The following BTBD16 variants were observed in gnomAD, a reference collection of about 807,000 sequenced individuals.
BTBD16 encodes the protein BTB domain containing 16, also known as BTB/POZ domain-containing protein 16.
A neutral mutation model predicts 67.4 loss-of-function variants in BTBD16; 66 were observed. The ratio of observed to expected loss-of-function variants is 0.98; its 90% CI spans 0.80 to 1.20. The LOEUF (loss-of-function observed/expected upper bound fraction) is 1.20, where lower values mean the gene tolerates loss of function less well. Ranked by LOEUF, BTBD16 falls within the 50% of genes most tolerant of loss-of-function variation. The pLI is 0.00. For missense variants in BTBD16, 634 were observed against 616.0 expected (o/e 1.03, Z -0.31); for synonymous variants, 242 against 236.4 (o/e 1.02, Z -0.22).
chr10:122,318,239 A>G (rs1424952699), intron 10 of BTBD16, among the ~76,000 whole-genome samples: 1 of 152,138 alleles, frequency 6.6e-6, no homozygotes, highest in Non-Finnish European at 1.5e-5. Flanking sequence ...TAAATCATGG[A>G]GTCTGTACTC....
rs2096385244 is a variant in BTBD16 at position 122,297,370 on chromosome 10, A to AT, written c.591-397dup. Reference sequence around the variant, plus strand: ...TGATTCCATTTGTGCACAGAGAGGAATGGGACTTGAGGCCCCTCTGGTGGC... The same window carrying AT: ...TGATTCCATTTGTGCACAGAGAGGAATTGGGACTTGAGGCCCCTCTGGTGGC... On this transcript the variant is annotated intron_variant, in intron 7 of 15. Coordinates refer to ENST00000260723, the MANE Select transcript of BTBD16 (RefSeq NM_144587.5). Among the ~76,000 whole-genome samples the AT allele has an allele frequency of 6.6e-5, 10 of 152,318 alleles. No homozygotes were observed. The South Asian group carries it at 2.1e-3, about 32-fold the overall frequency.
At chr10:122,308,181 C>G (rs2096407047) in intron 10 of BTBD16, among the ~76,000 whole-genome samples, 1 of 152,120 alleles carries the variant, frequency 6.6e-6, no homozygotes. Context: ...GGAAAAAGAG[C>G]TAGAATGTGG....
chr10:122,281,353 C>T (rs577164734), intron 3 of BTBD16, among the ~76,000 whole-genome samples: 9 of 152,142 alleles, frequency 5.9e-5, no homozygotes, highest in Middle Eastern at 3.4e-3. Context: ...CCTGGCCTTC[C>T]CCACCTCTAT....
At chr10:122,289,183 C>T (rs1055299623) in intron 5 of BTBD16, among the ~76,000 whole-genome samples, 1 of 152,160 alleles carries the variant, frequency 6.6e-6, no homozygotes, top group Non-Finnish European at 1.5e-5. Context: ...CACTGCCTGC[C>T]TGCACTGCTC....
Position 122,336,617 on chromosome 10 carries a change from C to G in BTBD16, c.1387C>G (p.Gln463Glu). Residue 463 changes from glutamine (Q) to glutamate (E), a missense_variant, in exon 15 of 16, where the codon CAG (glutamine) becomes GAG (glutamate). Physicochemically the swap from Gln to Glu is conservative, Grantham distance 29 (BLOSUM62 2). Coordinates refer to ENST00000260723, the MANE Select transcript of BTBD16 (RefSeq NM_144587.5). ...AGAGGCCCTGGTTGACGGCAAGTGG[C>G]AGGAGTTCAGGACAAACCAGATCAA... ...RAEALVDGKW[Q>E]EFRTNQIKQK... 6.2e-7 allele frequency: 1 copy of G among 1,612,694 alleles called. No individual in the cohort carries two copies. The highest frequency in any genetic ancestry group is 1.3e-5 in the African/African-American group (1 of 74,950).
intron 10 of BTBD16, among the ~76,000 whole-genome samples, chr10:122,322,851 C>G (rs1258485930): frequency 6.6e-6 from 1 of 152,190 alleles, no homozygotes; most frequent in Admixed American, 6.5e-5. Flanking sequence ...CAGTCTGATT[C>G]AGATGCTCAG....
intron 3 of BTBD16, 88 bp downstream of exon 3, chr10:122,277,027 G>A: frequency 2.0e-6 from 3 of 1,476,560 alleles, no homozygotes; most frequent in Non-Finnish European, 2.7e-6. Flanking sequence ...CTGATTGGCT[G>A]CAGTGGCTGT....
chr10:122,290,019 A>T (rs761669402), intron 6 of BTBD16, 21 bp downstream of exon 6: 2 of 1,479,082 alleles, frequency 1.4e-6, no homozygotes, highest in Admixed American at 3.6e-5. Context: ...ACCCGTCTAT[A>T]TTCTGAGAAT....
intron 13 of BTBD16, among the ~76,000 whole-genome samples, chr10:122,333,669 T>C (rs1321601067): frequency 6.6e-6 from 1 of 152,130 alleles, no homozygotes; most frequent in Non-Finnish European, 1.5e-5. Flanking sequence ...AAGGGAGATA[T>C]AGGGAAAAGT....
chr10:122,324,384 C>T (rs2096440812), intron 10 of BTBD16, among the ~76,000 whole-genome samples: 1 of 152,136 alleles, frequency 6.6e-6, no homozygotes, highest in African/African-American at 2.4e-5. Flanking sequence ...GCCCTGAGCC[C>T]ACTGATTTCT....
intron 10 of BTBD16, 120 bp downstream of exon 10, chr10:122,307,428 C>A: frequency 1.8e-6 from 2 of 1,087,888 alleles, no homozygotes; most frequent in Non-Finnish European, 2.5e-6. Context: ...ATTCAGAGGG[C>A]ACTGTTTTTT....
Position 122,291,369 on chromosome 10 carries a change from G to A in BTBD16, c.590+175G>A. On this transcript the variant is annotated intron_variant, in intron 7 of 15. Transcript: ENST00000260723. ...ACTGAGACACTAATTCACACTAACA[G>A]GTGAGCCATCTCTCCAGCAACACGC... 4 of 734,540 alleles carry A rather than the reference G, an allele frequency of 5.4e-6. No individual in the cohort carries two copies. In the South Asian group the frequency reaches 1.0e-4, roughly 19 times the overall value. 45.5% of individuals were successfully genotyped at this position (734,540 alleles called of 1,614,324 possible).
intron 14 of BTBD16, among the ~76,000 whole-genome samples, chr10:122,335,747 ACT>A (rs1157616420): frequency 6.6e-6 from 1 of 152,236 alleles, no homozygotes; most frequent in Non-Finnish European, 1.5e-5. Context: ...GCTGTGTTCC[ACT>A]TAAGATTTGC....
chr10:122,272,763 C>T (rs1363414246), intron 1 of BTBD16, among the ~76,000 whole-genome samples: 1 of 151,842 alleles, frequency 6.6e-6, no homozygotes, highest in Non-Finnish European at 1.5e-5. Context: ...AGTCAAAAGA[C>T]AAATGATACA....
At chr10:122,324,740 T>C (rs2096441445) in intron 10 of BTBD16, among the ~76,000 whole-genome samples, 1 of 152,196 alleles carries the variant, frequency 6.6e-6, no homozygotes, top group African/African-American at 2.4e-5. Flanking sequence ...CCCCTTTAAC[T>C]TGGATCTCTG....
At position 122,291,200 on chromosome 10, in the gene BTBD16, G is replaced by A. The variant is rs776233499; in HGVS notation, c.590+6G>A. On this transcript the variant is annotated splice_donor_region_variant and intron_variant, in intron 7 of 15. Coordinates refer to ENST00000260723, the MANE Select transcript of BTBD16 (RefSeq NM_144587.5). The stretch of plus-strand genomic sequence containing the variant: ...TTCAGTGGCCTGTTTCAAAGGTAAG[G>A]AAACAAGGCTGACTTTGGGCAGGGC... 2 of 1,607,450 alleles carry A rather than the reference G, an allele frequency of 1.2e-6. No individual in the cohort carries two copies. Among genetic ancestry groups the A allele is most frequent in the Admixed American group, 3.4e-5 (2 of 59,180 alleles).
At chr10:122,323,760 A>G (rs1351483702) in intron 10 of BTBD16, among the ~76,000 whole-genome samples, 5 of 152,144 alleles carry the variant, frequency 3.3e-5, no homozygotes, top group Non-Finnish European at 7.3e-5. Context: ...ATCTGGTCTC[A>G]CCCTTTCATT....
intron 3 of BTBD16, among the ~76,000 whole-genome samples, chr10:122,281,993 C>T (rs1000361413): frequency 2.6e-5 from 4 of 152,168 alleles, no homozygotes; most frequent in Admixed American, 1.3e-4. Flanking sequence ...CCATGTGTTC[C>T]GTTCACTTTT....
At chr10:122,337,949 TC>T (rs2096465845) in intron 15 of BTBD16, 67 bp from the exon 16 acceptor site, 1 of 1,339,096 alleles carries the variant, frequency 7.5e-7, no homozygotes, top group Non-Finnish European at 1.1e-6. Context: ...CCTTCCTCTT[TC>T]CCCTTCTGGG....
Sources: gnomAD v4.1 joint callset for allele counts (sites outside exome capture counted in the v4.1 genomes callset) on GRCh38, gnomAD v4.1.1 for gene constraint, MANE v1.5 for transcripts, NCBI Gene and HGNC (gene_info 2026-07-23, HGNC 2026-07-21) for gene names.